SF3B1: variants seen among roughly 807,000 people sequenced by gnomAD.
SF3B1 encodes pre-mRNA processing 10.
A neutral mutation model predicts 153.8 loss-of-function variants in SF3B1; 12 were observed. The ratio of observed to expected loss-of-function variants is 0.08; its 90% confidence interval spans 0.05 to 0.13. The LOEUF (loss-of-function observed/expected upper bound fraction) is 0.13, where lower values mean the gene tolerates loss of function less well. Ranked by LOEUF, SF3B1 falls within the 10% of genes least tolerant of loss-of-function variation. The pLI is 1.00. For missense variants in SF3B1, 513 were observed against 1,606.1 expected (o/e 0.32, Z 11.63); for synonymous variants, 498 against 525.2 (o/e 0.95, Z 0.71).
rs374453904 is a variant in SF3B1, at chr2:197,408,122, A to G, written c.1118-3T>C. The G allele has an allele frequency of 4.3e-6, 7 of 1,611,696 alleles. No individual in the cohort carries two copies. In the Admixed American group the frequency reaches 1.0e-4, roughly 23 times the overall value. On this transcript the variant is annotated splice_region_variant and splice_polypyrimidine_tract_variant and intron_variant, in intron 8 of 24. Coordinates refer to ENST00000335508, the MANE Select transcript of SF3B1 (RefSeq NM_012433.4). ...AGGAGTCATACTCATTATGTGACCT[A>G]CCAAGAAAAGCAAATTTTTATATAA...
chr2:197,393,709 C>T (rs1413445073), intron 23 of SF3B1, among the ~76,000 whole-genome samples: 3 of 152,008 alleles, frequency 2.0e-5, no homozygotes, highest in African/African-American at 7.3e-5. Context: ...CCTCAGCCTC[C>T]CAAAGTACAG....
At chr2:197,394,957 A>G (rs568538406) in intron 23 of SF3B1, among the ~76,000 whole-genome samples, 2 of 152,184 alleles carry the variant, frequency 1.3e-5, no homozygotes, top group African/African-American at 2.4e-5. Context: ...CACAGACCAT[A>G]TCAAAGAGAA....
At chr2:197,403,456 CTG>C (rs2084956342) in intron 12 of SF3B1, 127 bp downstream of exon 12, 1 of 548,380 alleles carries the variant, frequency 1.8e-6, no homozygotes, top group East Asian at 3.2e-5. Context: ...CTGTATAAAA[CTG>C]TATTTGTACA....
rs556272370 is a variant in SF3B1 at position 197,393,059 on chromosome 2, A to G, written c.3669T>C (p.Ser1223=). 5 of 1,612,974 alleles carry G rather than the reference A, an allele frequency of 3.1e-6. No individual in the cohort carries two copies. In the East Asian group the frequency reaches 8.9e-5, roughly 29 times the overall value. ...NYVWPNVFET[S]PHVIQAVMGA... is the part of the protein sequence containing the mutation. The stretch of plus-strand genomic sequence containing the variant: ...CCATAACTGCCTGAATTACATGAGG[A>G]GATGTCTCAAATACATTGGGCCATA... Residue 1223 remains serine, a synonymous_variant, in exon 24 of 25, where the codon TCT becomes TCC. Coordinates refer to ENST00000335508, the MANE Select transcript of SF3B1 (RefSeq NM_012433.4).
At chr2:197,415,801 C>T (rs1005443931) in intron 6 of SF3B1, among the ~76,000 whole-genome samples, 1 of 151,774 alleles carries the variant, frequency 6.6e-6, no homozygotes, top group Non-Finnish European at 1.5e-5. Flanking sequence ...TTTACAGATG[C>T]CATCGTTTTG....
rs1435451119 is a variant in SF3B1, at chr2:197,421,137, C to A, written c.196-4G>T. On this transcript the variant is annotated splice_region_variant and splice_polypyrimidine_tract_variant and intron_variant, in intron 2 of 24. Coordinates refer to ENST00000335508, the MANE Select transcript of SF3B1 (RefSeq NM_012433.4). Reference sequence around the variant, plus strand: ...ATGATGAATAGTCATCGTCATCCTGCAATGAAAACCCCCCAAAAAGCCATA... The same window carrying A: ...ATGATGAATAGTCATCGTCATCCTGAAATGAAAACCCCCCAAAAAGCCATA... The A allele has an allele frequency of 1.3e-6, 2 of 1,585,986 alleles. No homozygotes were observed. The highest frequency in any genetic ancestry group is 1.7e-6 in the Non-Finnish European group (2 of 1,157,378).
chr2:197,394,949 C>T (rs769451861), intron 23 of SF3B1, among the ~76,000 whole-genome samples: 4 of 152,068 alleles, frequency 2.6e-5, no homozygotes, highest in Non-Finnish European at 5.9e-5. Flanking sequence ...GATAGTAACA[C>T]AGACCATATC....
At chr2:197,395,934 C>T in intron 23 of SF3B1, 122 bp downstream of exon 23, 1 of 782,646 alleles carries the variant, frequency 1.3e-6, no homozygotes, top group Admixed American at 2.7e-5. Context: ...CCTAAGACTC[C>T]AGGCTAGCAA....
At position 197,390,004 on chromosome 2, in the gene SF3B1, T is replaced by C. The variant is rs945808437; in HGVS notation, c.*2299A>G. On this transcript the variant is annotated 3_prime_UTR_variant, in exon 25 of 25. Transcript: ENST00000335508. ...GGCTTTAAGAAACACCAAAAGAAAA[T>C]ACAAAAGAAAAGGTCTTTGAGAAGA... The C allele has an allele frequency of 5.3e-5, 8 of 152,110 alleles. No homozygotes were observed. Among genetic ancestry groups the C allele is most frequent in the Non-Finnish European group, 1.2e-4 (8 of 67,988 alleles). The allele number at this position is 152,110 out of a possible 1,614,324, so 9.4% of individuals were successfully genotyped here.
chr2:197,401,570 TGAAGA>T lies in SF3B1; in HGVS notation c.2371-50_2371-46del, dbSNP rs2084937200. On this transcript the variant is annotated intron_variant, in intron 16 of 24. Transcript: ENST00000335508. The surrounding 1 kb of genome is among the most constrained non-coding windows in gnomAD (Gnocchi z 4.2). ...TAATAATAAATCAACTGACCTGAAA[TGAAGA>T]GAATACTCATTGCTGATTACGTGAT... 1.9e-6 allele frequency: 3 copies of T among 1,570,150 alleles called. No individual in the cohort carries two copies. The highest frequency in any genetic ancestry group is 1.4e-5 in the African/African-American group (1 of 73,450).
chr2:197,398,167 A>C, intron 21 of SF3B1, 51 bp from the exon 22 acceptor site: 1 of 1,500,352 alleles, frequency 6.7e-7, no homozygotes, highest in Non-Finnish European at 9.2e-7. Context: ...GAAAAGTTTT[A>C]AGGATAAATT....
chr2:197,423,991 C>A lies in SF3B1; in HGVS notation c.29-17G>T, dbSNP rs377538304. ...CTTCAATATCTATAAAAAGATAACA[C>A]AGACTTTCTTAATTTCACTTTCCAA... On this transcript the variant is annotated splice_polypyrimidine_tract_variant and intron_variant, in intron 1 of 24. Coordinates refer to ENST00000335508, the MANE Select transcript of SF3B1 (RefSeq NM_012433.4). 6.3e-7 allele frequency: 1 copy of A among 1,590,612 alleles called. No individual in the cohort carries two copies. The highest frequency in any genetic ancestry group is 2.2e-5 in the East Asian group (1 of 44,778).
chr2:197,434,448 T>C (rs1217981147), intron 1 of SF3B1, among the ~76,000 whole-genome samples: 1 of 152,250 alleles, frequency 6.6e-6, no homozygotes, highest in Non-Finnish European at 1.5e-5. Flanking sequence ...TACCAGATTT[T>C]ATCCCCAAAT....
chr2:197,412,107 CAAAAAAAAAA>C (rs397987243), intron 6 of SF3B1, among the ~76,000 whole-genome samples: 7 of 81,710 alleles, frequency 8.6e-5, no homozygotes, highest in Admixed American at 3.7e-4. Flanking sequence ...GACTCTGTCT[CAAAAAAAAAA>C]AAAAAAAAAG....
intron 1 of SF3B1, among the ~76,000 whole-genome samples, chr2:197,430,910 T>C (rs577794959): frequency 1.3e-5 from 2 of 152,210 alleles, no homozygotes; most frequent in South Asian, 4.1e-4. Context: ...TCCTCCTGTC[T>C]TGACTTCCCA....
intron 7 of SF3B1, 116 bp from the exon 8 acceptor site, chr2:197,408,697 A>C: frequency 5.5e-6 from 4 of 727,636 alleles, no homozygotes; most frequent in Non-Finnish European, 6.8e-6. Flanking sequence ...TATTCCTAAA[A>C]TGGTGACCCA....
Position 197,393,205 on chromosome 2 carries a change from A to C in SF3B1, c.3540-17T>G. 6.3e-7 allele frequency: 1 copy of C among 1,577,742 alleles called. No individual in the cohort carries two copies. The highest frequency in any genetic ancestry group is 8.7e-7 in the Non-Finnish European group (1 of 1,147,136). On this transcript the variant is annotated splice_polypyrimidine_tract_variant and intron_variant, in intron 23 of 24. Transcript: ENST00000335508. The stretch of plus-strand genomic sequence containing the variant: ...ACAAGGTCTCTACAACGGAAGGGAA[A>C]AAAGTCCTTTAAGATGCGGTCTTAT...
intron 6 of SF3B1, among the ~76,000 whole-genome samples, chr2:197,413,942 G>C (rs1374381265): frequency 1.3e-5 from 2 of 152,048 alleles, no homozygotes; most frequent in Non-Finnish European, 2.9e-5. Flanking sequence ...AAGTAGCTGG[G>C]ATTACAGGTG....
intron 6 of SF3B1, among the ~76,000 whole-genome samples, chr2:197,410,365 T>C (rs80144901): frequency 0.012 from 1,779 of 152,324 alleles, 15 homozygotes; most frequent in South Asian, 0.023. Context: ...ATTACATTAG[T>C]ACTTCTCAAA....
Sources: gnomAD v4.1 joint callset for allele counts (sites outside exome capture counted in the v4.1 genomes callset) on GRCh38, gnomAD v4.1.1 for gene constraint, Gnocchi (gnomAD v3.1) non-coding constraint, MANE v1.5 for transcripts, NCBI Gene and HGNC (gene_info 2026-07-23, HGNC 2026-07-21) for gene names.